The following PPP3CA variants were observed in gnomAD, a reference collection of about 807,000 sequenced individuals.
The protein encoded by PPP3CA is protein phosphatase 3 catalytic subunit alpha.
PPP3CA carries 14 observed loss-of-function variants against 66.5 expected under a neutral mutation model. The observed-to-expected ratio is 0.21, with a 90% CI of 0.14 to 0.33. The LOEUF (loss-of-function observed/expected upper bound fraction) is 0.33, where lower values mean the gene tolerates loss of function less well. PPP3CA is among the 10% of genes least tolerant of loss of function. The probability of loss-of-function intolerance (pLI) is 1.00; values close to 1 mark genes in which losing one functional copy is unlikely to be tolerated. For missense variants in PPP3CA, 317 were observed against 639.5 expected, an observed-to-expected ratio of 0.50 and a Z score of 5.44; for synonymous variants, 232 against 226.2, an observed-to-expected ratio of 1.03 and a Z score of -0.23.
At chr4:101,165,378 C>T (rs552252097) in intron 2 of PPP3CA, among the ~76,000 whole-genome samples, 1 of 151,322 alleles carries the variant, frequency 6.6e-6, no homozygotes, top group South Asian at 2.1e-4. Context: ...TTTGTACAAA[C>T]AGTAAAACAT....
intron 8 of PPP3CA, among the ~76,000 whole-genome samples, chr4:101,075,952 T>C (rs989394024): frequency 1.3e-5 from 2 of 152,190 alleles, no homozygotes; most frequent in African/African-American, 2.4e-5. Context: ...ACACCTAGCA[T>C]GGAGCTTGGT....
chr4:101,143,134 C>T (rs2850997), intron 2 of PPP3CA, among the ~76,000 whole-genome samples: 46,572 of 151,934 alleles, frequency 0.31, 10,226 homozygotes, highest in African/African-American at 0.62. Context: ...TCCACATTCT[C>T]TGTTTTCTGG....
intron 1 of PPP3CA, among the ~76,000 whole-genome samples, chr4:101,333,129 G>A (rs1228199191): frequency 7.6e-6 from 1 of 131,952 alleles, no homozygotes; most frequent in Non-Finnish European, 1.6e-5. Flanking sequence ...TTTTGAGGCA[G>A]AGTCTCATAC....
chr4:101,320,723 C>T (rs1481736644), intron 1 of PPP3CA, among the ~76,000 whole-genome samples: 2 of 152,146 alleles, frequency 1.3e-5, no homozygotes, highest in Non-Finnish European at 2.9e-5. Flanking sequence ...ATTAAGCTGT[C>T]ATTAGCTGGC....
intron 1 of PPP3CA, among the ~76,000 whole-genome samples, chr4:101,318,414 A>T (rs1306060169): frequency 1.3e-5 from 2 of 152,222 alleles, no homozygotes. Context: ...AATATTTTAT[A>T]AAGAAATCAC....
intron 1 of PPP3CA, among the ~76,000 whole-genome samples, chr4:101,320,829 T>C (rs1729020506): frequency 6.6e-6 from 1 of 152,124 alleles, no homozygotes; most frequent in Non-Finnish European, 1.5e-5. Flanking sequence ...ATGATTCTGA[T>C]GGATACCATG....
chr4:101,309,850 G>A (rs1032360269), intron 1 of PPP3CA, among the ~76,000 whole-genome samples: 1 of 152,154 alleles, frequency 6.6e-6, no homozygotes, highest in Admixed American at 6.5e-5. Flanking sequence ...AAAAAATATT[G>A]TAGAAAAATA....
intron 2 of PPP3CA, among the ~76,000 whole-genome samples, chr4:101,121,997 C>G (rs568285755): frequency 6.6e-6 from 1 of 152,190 alleles, no homozygotes; most frequent in East Asian, 1.9e-4. Context: ...TAGAGGCTCT[C>G]TAGCATTTCA....
chr4:101,206,893 C>T (rs2110201053), intron 1 of PPP3CA, among the ~76,000 whole-genome samples: 1 of 152,216 alleles, frequency 6.6e-6, no homozygotes, highest in South Asian at 2.1e-4. Context: ...CTGAAACCTT[C>T]AGTTAGTAAA....
At chr4:101,294,436 T>TCTATTTACC (rs2110292361) in intron 1 of PPP3CA, among the ~76,000 whole-genome samples, 1 of 152,280 alleles carries the variant, frequency 6.6e-6, no homozygotes, top group African/African-American at 2.4e-5. Flanking sequence ...TTTTACCAAA[T>TCTATTTACC]CTCTATTTAT....
intron 5 of PPP3CA, among the ~76,000 whole-genome samples, chr4:101,097,597 A>T (rs1267279600): frequency 6.6e-6 from 1 of 152,182 alleles, no homozygotes; most frequent in Non-Finnish European, 1.5e-5. Context: ...TTTTGGCACC[A>T]AGAAAAATAC....
chr4:101,212,304 C>T (rs553545587), intron 1 of PPP3CA, among the ~76,000 whole-genome samples: 1 of 152,244 alleles, frequency 6.6e-6, no homozygotes, highest in African/African-American at 2.4e-5. Context: ...AGACCATGTC[C>T]TTTGCAGGAA....
chr4:101,341,306 T>C (rs1379838131), intron 1 of PPP3CA, among the ~76,000 whole-genome samples: 2 of 151,644 alleles, frequency 1.3e-5, no homozygotes, highest in African/African-American at 4.8e-5. Context: ...CCACCACACC[T>C]GGCCAGTGGC....
At chr4:101,283,015 C>A (rs1323982106) in intron 1 of PPP3CA, among the ~76,000 whole-genome samples, 1 of 152,132 alleles carries the variant, frequency 6.6e-6, no homozygotes, top group African/African-American at 2.4e-5. Context: ...TCACATAATA[C>A]AATTAACACA....
intron 2 of PPP3CA, among the ~76,000 whole-genome samples, chr4:101,142,481 C>T (rs775316701): frequency 9.9e-5 from 15 of 152,184 alleles, no homozygotes; most frequent in Non-Finnish European, 1.6e-4. Context: ...ATCTATCAAT[C>T]ACTGAGTGTC....
chr4:101,261,814 A>T (rs978260889), intron 1 of PPP3CA, among the ~76,000 whole-genome samples: 4 of 151,998 alleles, frequency 2.6e-5, no homozygotes, highest in Non-Finnish European at 5.9e-5. Flanking sequence ...ACTCATTTCT[A>T]AAAAAACTTA....
At chr4:101,205,803 TAA>T (rs1213416790) in intron 1 of PPP3CA, among the ~76,000 whole-genome samples, 1 of 152,212 alleles carries the variant, frequency 6.6e-6, no homozygotes, top group East Asian at 1.9e-4. Context: ...ATGTAAGTCT[TAA>T]GTGACAATTT....
At chr4:101,262,405 A>C (rs1030721457) in intron 1 of PPP3CA, among the ~76,000 whole-genome samples, 4 of 152,168 alleles carry the variant, frequency 2.6e-5, no homozygotes, top group Non-Finnish European at 5.9e-5. Flanking sequence ...ACATTATTGA[A>C]ATCTTTAATT....
At chr4:101,032,534 A>G (rs1727021934) in intron 11 of PPP3CA, among the ~76,000 whole-genome samples, 170 bp from the exon 12 acceptor site, 1 of 152,166 alleles carries the variant, frequency 6.6e-6, no homozygotes, top group South Asian at 2.1e-4. Context: ...ATTTATTTAT[A>G]TACCAGTAAT....
Sources: gnomAD v4.1 joint callset for allele counts (sites outside exome capture counted in the v4.1 genomes callset) on GRCh38, gnomAD v4.1.1 for gene constraint, MANE v1.5 for transcripts, NCBI Gene and HGNC (gene_info 2026-07-23, HGNC 2026-07-21) for gene names.